Variants in CCDC144A observed in about 807,000 individuals in gnomAD.
CCDC144A encodes coiled-coil domain containing 144A.
A neutral mutation model predicts 143.8 loss-of-function variants in CCDC144A; 41 were observed. That is an observed-to-expected ratio of 0.29 (90% CI 0.22 to 0.37). The LOEUF (loss-of-function observed/expected upper bound fraction) is 0.37. Ranked by LOEUF, CCDC144A falls within the 10% of genes least tolerant of loss-of-function variation. The probability of loss-of-function intolerance (pLI) is 1.00; values close to 1 mark genes in which losing one functional copy is unlikely to be tolerated. For missense variants in CCDC144A, 637 were observed against 1,488.8 expected (o/e 0.43, Z 9.41); for synonymous variants, 242 against 517.9 (o/e 0.47, Z 7.23).
At chr17:16,702,467 C>T (rs1911787869) in intron 2 of CCDC144A, among the ~76,000 whole-genome samples, 1 of 152,184 alleles carries the variant, frequency 6.6e-6, no homozygotes, top group African/African-American at 2.4e-5. Context: ...ACACTGATCT[C>T]CCTTGAGCTC....
At chr17:16,667,285 G>GCGGCTGAGGAGGCTGAGGCGGCTGAGGA in the CCDC144A span, among the ~76,000 whole-genome samples, 11 of 125,562 alleles carry the variant, frequency 8.8e-5, no homozygotes, top group Non-Finnish European at 1.8e-4. Context: ...AGGGGCTGAG[G>GCGGCTGAGGAGGCTGAGGCGGCTGAGGA]GGTTGAGGCG....
At chr17:16,689,910 C>A (rs1910940983), upstream of CCDC144A, 1 of 152,806 alleles carries the variant, frequency 6.5e-6, no homozygotes, top group Admixed American at 6.5e-5. Flanking sequence ...GGAGCAGGTG[C>A]GCCGGCGGCG....
chr17:16,667,481 G>A, the CCDC144A span, among the ~76,000 whole-genome samples: 1 of 152,186 alleles, frequency 6.6e-6, no homozygotes, highest in African/African-American at 2.4e-5. Context: ...GAGGGGCTGA[G>A]GGGCTGAAAG....
At chr17:16,704,932 G>T (rs191200525) in intron 2 of CCDC144A, among the ~76,000 whole-genome samples, 1 of 152,226 alleles carries the variant, frequency 6.6e-6, no homozygotes, top group Non-Finnish European at 1.5e-5. Context: ...ATAGTAAGCA[G>T]TAAAAATGTA....
Position 16,708,818 on chromosome 17 carries a change from T to G in CCDC144A, c.761T>G (p.Met254Arg). 6.2e-7 allele frequency: 1 copy of G among 1,611,792 alleles called. No individual in the cohort carries two copies. The highest frequency in any genetic ancestry group is 1.7e-5 in the Admixed American group (1 of 60,012). Residue 254 changes from methionine (M) to arginine (R), a missense_variant, in exon 5 of 17, where the codon ATG (methionine) becomes AGG (arginine). By Grantham distance (91) the Met-to-Arg change is moderately conservative (BLOSUM62 -1). Transcript: ENST00000399273. ...QPQKTSQEPE[M>R]AKDCDREDIP... ...CAGAAAACGTCTCAAGAACCAGAAA[T>G]GGCTAAGGATTGCGATAGAGAGGAT...
the CCDC144A span, chr17:16,684,062 A>G: frequency 6.6e-6 from 6 of 908,770 alleles, no homozygotes; most frequent in Non-Finnish European, 9.3e-6. Context: ...TCAGAAAATC[A>G]ATAAACTGGT....
At chr17:16,760,377 T>G (rs1179347893) in intron 12 of CCDC144A, among the ~76,000 whole-genome samples, 1 of 144,034 alleles carries the variant, frequency 6.9e-6, no homozygotes, top group Non-Finnish European at 1.5e-5. Context: ...TCAGCACCAT[T>G]GAAATTTCAG....
chr17:16,750,934 T>C (rs1465546919), intron 12 of CCDC144A, among the ~76,000 whole-genome samples: 1 of 152,208 alleles, frequency 6.6e-6, no homozygotes, highest in Non-Finnish European at 1.5e-5. Flanking sequence ...ATGGTTATAC[T>C]GGCTTCCTTG....
At chr17:16,673,955 G>T in the CCDC144A span, among the ~76,000 whole-genome samples, 2 of 151,850 alleles carry the variant, frequency 1.3e-5, no homozygotes, top group African/African-American at 4.8e-5. Flanking sequence ...CTGTTATCAA[G>T]AATTCTCTGA....
the CCDC144A span, among the ~76,000 whole-genome samples, chr17:16,681,765 A>T: frequency 3.6e-3 from 555 of 152,096 alleles, 3 homozygotes; most frequent in African/African-American, 0.012. Context: ...AGGCTGAGGC[A>T]GGAGAATTGC....
the CCDC144A span, chr17:16,683,482 T>C: frequency 2.1e-6 from 3 of 1,429,898 alleles, no homozygotes; most frequent in Non-Finnish European, 2.9e-6. Context: ...TTGGCCGCCT[T>C]GCCCTGCCGC....
chr17:16,776,181 A>G lies in CCDC144A; in HGVS notation c.*2548A>G, dbSNP rs1306450827. 1.3e-5 allele frequency: 2 copies of G among 152,248 alleles called. No individual in the cohort carries two copies. The highest frequency in any genetic ancestry group is 1.5e-5 in the Non-Finnish European group (1 of 68,078). The allele number at this position is 152,248 out of a possible 1,614,324, so 9.4% of individuals were successfully genotyped here. A position where few individuals can be genotyped will look rare whatever the true frequency, so the allele number is the denominator to read the frequency against. ...CTTCTTGCTTAGGATTGTCTTGGCT[A>G]TTTGGGCTCTTTTTTGGTTCCATAT... On this transcript the variant is annotated 3_prime_UTR_variant, in exon 17 of 17. Transcript: ENST00000399273.
chr17:16,734,167 TA>T (rs1318067871), intron 11 of CCDC144A, among the ~76,000 whole-genome samples: 1 of 148,008 alleles, frequency 6.8e-6, no homozygotes, highest in Non-Finnish European at 1.5e-5. Context: ...AAGCCTAATA[TA>T]ATGCTTAGAT....
chr17:16,688,232 G>A (rs971892747), upstream of CCDC144A, among the ~76,000 whole-genome samples: 4 of 151,876 alleles, frequency 2.6e-5, no homozygotes, highest in African/African-American at 9.7e-5. Flanking sequence ...GGTGGTGCTG[G>A]AATTTTCCAC....
upstream of CCDC144A, chr17:16,689,492 C>CCGT (rs976627419): frequency 6.5e-6 from 1 of 153,112 alleles, no homozygotes; most frequent in Admixed American, 6.5e-5. Context: ...CCGCGCCTGG[C>CCGT]CGTCACTTTT....
chr17:16,732,975 C>T (rs1913816167), intron 11 of CCDC144A, among the ~76,000 whole-genome samples: 1 of 151,572 alleles, frequency 6.6e-6, no homozygotes, highest in Non-Finnish European at 1.5e-5. Flanking sequence ...AAAATCCTTG[C>T]TACTAACAAC....
upstream of CCDC144A, among the ~76,000 whole-genome samples, chr17:16,686,098 T>G (rs796705268): frequency 1.9e-3 from 218 of 113,090 alleles, 2 homozygotes; most frequent in South Asian, 5.2e-3. Flanking sequence ...TTTGTTTTTT[T>G]TTTTTTTTTT....
At chr17:16,686,101 T>G (rs921476428), upstream of CCDC144A, among the ~76,000 whole-genome samples, 20 of 147,454 alleles carry the variant, frequency 1.4e-4, no homozygotes, top group Admixed American at 2.7e-4. Context: ...GTTTTTTTTT[T>G]TTTTTTTTTT....
Position 16,690,732 on chromosome 17 carries a change from A to G in CCDC144A, c.332A>G (p.Asp111Gly). Residue 111 changes from aspartate (D) to glycine (G), a missense_variant, in exon 1 of 17, where the codon GAT becomes GGT. Asp to Gly is a moderately conservative substitution (Grantham distance 94). Transcript: ENST00000399273. ...GGAGACACTGGCGTGGACAAGAGGG[A>G]TAGGAAGAAGAGGTAATGGCCAGGC... ...APGDTGVDKR[D>G]RKKSIQQLVP... The G allele has an allele frequency of 6.2e-7, 1 of 1,604,874 alleles. No homozygotes were observed. Among genetic ancestry groups the G allele is most frequent in the Non-Finnish European group, 8.5e-7 (1 of 1,172,990 alleles).
Sources: allele counts gnomAD v4.1 joint callset (sites outside exome capture counted in the v4.1 genomes callset), GRCh38; gene constraint gnomAD v4.1.1; transcripts MANE v1.5; gene names NCBI Gene and HGNC (gene_info 2026-07-23, HGNC 2026-07-21).